Variants in CCDC178 observed in about 807,000 individuals in gnomAD.
CCDC178 encodes the protein coiled-coil domain-containing protein 178.
A neutral mutation model predicts 117.4 loss-of-function variants in CCDC178; 126 were observed. That is an observed-to-expected ratio of 1.07 (90% CI 0.93 to 1.24). The LOEUF (loss-of-function observed/expected upper bound fraction) is 1.24, where lower values mean the gene tolerates loss of function less well. Among genes scored for constraint, CCDC178 ranks in the 50% most tolerant of loss-of-function variants. CCDC178 has a pLI of 0.00. For missense variants in CCDC178, 1,030 were observed against 986.9 expected, an observed-to-expected ratio of 1.04 and a Z score of -0.59; for synonymous variants, 283 against 313.4, an observed-to-expected ratio of 0.90 and a Z score of 1.02.
chr18:33,129,066 T>A (rs1004090787), intron 20 of CCDC178, among the ~76,000 whole-genome samples: 4 of 152,028 alleles, frequency 2.6e-5, no homozygotes, highest in African/African-American at 9.7e-5. Context: ...AATAATACTT[T>A]CCCCCATAAC....
intron 18 of CCDC178, among the ~76,000 whole-genome samples, chr18:33,216,821 ATAAC>A (rs2059171367): frequency 6.6e-6 from 1 of 152,130 alleles, no homozygotes; most frequent in Admixed American, 6.6e-5. Context: ...TAGTGGAAAT[ATAAC>A]TAACTAAGAT....
In CCDC178 at chr18:33,319,927, C is replaced by G. The variant is rs145347193; in HGVS notation, c.1022+3564G>C. ...TTTGTTTGAGTTCTTTGTAGCAAGG[C>G]TGGTTCAACATACACAAATCAATAA... On this transcript the variant is annotated intron_variant, in intron 11 of 22. Transcript: ENST00000383096. 3.0e-3 allele frequency among the ~76,000 whole-genome samples: 458 copies of G among 152,156 alleles called. 3 individuals are homozygous for G. The highest frequency in any genetic ancestry group is 0.011 in the African/African-American group (440 of 41,498).
intron 10 of CCDC178, among the ~76,000 whole-genome samples, chr18:33,325,967 A>T (rs1447735739): frequency 6.6e-6 from 1 of 152,094 alleles, no homozygotes; most frequent in African/African-American, 2.4e-5. Context: ...CCAAAGGGAA[A>T]CCCTGAACTC....
chr18:33,010,469 A>G (rs1321770128), intron 21 of CCDC178, among the ~76,000 whole-genome samples: 1 of 152,168 alleles, frequency 6.6e-6, no homozygotes, highest in Non-Finnish European at 1.5e-5. Context: ...TTTGTGCACA[A>G]ACAACAATGT....
intron 20 of CCDC178, among the ~76,000 whole-genome samples, chr18:33,146,747 G>A (rs2058272710): frequency 6.6e-6 from 1 of 152,154 alleles, no homozygotes; most frequent in African/African-American, 2.4e-5. Context: ...TTTCTGGATA[G>A]CTCTCCTTAA....
intron 11 of CCDC178, among the ~76,000 whole-genome samples, chr18:33,312,844 T>C (rs1397246546): frequency 6.6e-6 from 1 of 152,226 alleles, no homozygotes; most frequent in Non-Finnish European, 1.5e-5. Context: ...AGCTTGAATC[T>C]GGCCACCCTC....
intron 20 of CCDC178, among the ~76,000 whole-genome samples, chr18:33,185,169 C>G (rs271448): frequency 6.6e-6 from 1 of 151,600 alleles, no homozygotes; most frequent in Non-Finnish European, 1.5e-5. Context: ...GAGAGAAGGT[C>G]GGGAAAGGGG....
At position 32,988,109 on chromosome 18, in the gene CCDC178, T is replaced by TC. The variant is rs1568200817; in HGVS notation, c.2389-13429_2389-13428insG. 6.1e-3 allele frequency among the ~76,000 whole-genome samples: 853 copies of TC among 140,490 alleles called. 11 individuals carry two copies. The highest frequency in any genetic ancestry group is 0.023 in the African/African-American group (817 of 36,148). 92.2% of individuals were successfully genotyped at this position (140,490 alleles called of 152,430 possible). A position where few individuals can be genotyped will look rare whatever the true frequency, so the allele number is the denominator to read the frequency against. On this transcript the variant is annotated intron_variant, in intron 21 of 22. Coordinates refer to ENST00000383096, the MANE Select transcript of CCDC178 (RefSeq NM_001105528.4). ...ATAATAATAATAATAATAATAATAA[T>TC]AATAATAATAAATTTATCAAAATTA... is the stretch of plus-strand genomic sequence containing the variant.
At chr18:33,046,229 T>C (rs1471924909) in intron 21 of CCDC178, among the ~76,000 whole-genome samples, 1 of 152,206 alleles carries the variant, frequency 6.6e-6, no homozygotes, top group East Asian at 1.9e-4. Flanking sequence ...TATATTCTAG[T>C]ATCTTATCCT....
chr18:33,142,652 T>G, intron 20 of CCDC178, among the ~76,000 whole-genome samples: 1 of 152,060 alleles, frequency 6.6e-6, no homozygotes, highest in East Asian at 1.9e-4. Flanking sequence ...AAATAAGTAA[T>G]ATTAACAGAA....
intron 20 of CCDC178, among the ~76,000 whole-genome samples, chr18:33,104,226 T>C (rs974958594): frequency 5.9e-5 from 9 of 151,822 alleles, no homozygotes; most frequent in Non-Finnish European, 8.9e-5. Flanking sequence ...AGAAAACCTC[T>C]AAAGAAGGTA....
intron 21 of CCDC178, among the ~76,000 whole-genome samples, chr18:33,058,233 A>C (rs984361550): frequency 3.3e-5 from 5 of 152,246 alleles, no homozygotes; most frequent in Non-Finnish European, 7.3e-5. Context: ...GAGTCAAAAA[A>C]TGGAAACAAC....
intron 21 of CCDC178, among the ~76,000 whole-genome samples, chr18:33,026,264 G>T (rs1018844046): frequency 2.0e-5 from 3 of 152,002 alleles, no homozygotes; most frequent in Non-Finnish European, 2.9e-5. Context: ...AGGAATCCTG[G>T]TGTTAATCAG....
rs1203440927 is a variant in CCDC178 at position 33,346,316 on chromosome 18, C to T, written c.553G>A (p.Glu185Lys). The T allele has an allele frequency of 6.2e-7, 1 of 1,613,482 alleles. No homozygotes were observed. The highest frequency in any genetic ancestry group is 1.3e-5 in the African/African-American group (1 of 74,902). ...GATCTCTGTTGTTTTAAAGCTTCTT[C>T]AGCGTCTGCCCGGTCAGTTTCTAGA... ...KSLETDRADA[E>K]EALKQQRSRK... is the part of the protein sequence containing the mutation. The change falls in exon 9 of 23, where the codon GAA becomes AAA. Residue 185 changes from glutamate to lysine, a missense_variant. Transcript: ENST00000383096.
intron 2 of CCDC178, among the ~76,000 whole-genome samples, chr18:33,426,060 T>G (rs1204510074): frequency 6.6e-6 from 1 of 152,174 alleles, no homozygotes; most frequent in East Asian, 1.9e-4. Context: ...AGAGAAGCTA[T>G]AAAATAATTT....
chr18:33,178,409 C>G lies in CCDC178; in HGVS notation c.2238+33487G>C, dbSNP rs536015006. Reference sequence around the variant, plus strand: ...GAAATATTACTTTAAGCCTGGATTACCGTAAGAATCTCCCATCTGTATTCC... The same window carrying G: ...GAAATATTACTTTAAGCCTGGATTAGCGTAAGAATCTCCCATCTGTATTCC... On this transcript the variant is annotated intron_variant, in intron 20 of 22. Transcript: ENST00000383096. 5.3e-5 allele frequency among the ~76,000 whole-genome samples: 8 copies of G among 152,242 alleles called. No individual in the cohort carries two copies. The South Asian group carries it at 1.2e-3, about 24-fold the overall frequency.
chr18:33,030,813 G>A (rs1191996970), intron 21 of CCDC178, among the ~76,000 whole-genome samples: 1 of 152,114 alleles, frequency 6.6e-6, no homozygotes, highest in African/African-American at 2.4e-5. Context: ...ATATAGATAT[G>A]AGAGAGAGAA....
chr18:33,253,949 A>G (rs970614213), intron 14 of CCDC178, among the ~76,000 whole-genome samples: 7 of 151,958 alleles, frequency 4.6e-5, no homozygotes, highest in African/African-American at 1.7e-4. Context: ...GCTTACCTGC[A>G]CTGAATAACA....
At chr18:33,301,321 A>G (rs1241861392) in intron 11 of CCDC178, among the ~76,000 whole-genome samples, 1 of 152,224 alleles carries the variant, frequency 6.6e-6, no homozygotes, top group Non-Finnish European at 1.5e-5. Flanking sequence ...GCCCAGGCAG[A>G]AGCCTGACCC....
Sources: allele counts gnomAD v4.1 joint callset (sites outside exome capture counted in the v4.1 genomes callset), GRCh38; gene constraint gnomAD v4.1.1; transcripts MANE v1.5; gene names NCBI Gene and HGNC (gene_info 2026-07-23, HGNC 2026-07-21).